Variants in NEBL observed in about 807,000 individuals in gnomAD.
NEBL encodes nebulette, also known as LIM and SH3 protein 2.
A neutral mutation model predicts 140.2 loss-of-function variants in NEBL; 122 were observed. The observed-to-expected ratio is 0.87, with a 90% CI of 0.75 to 1.01. The LOEUF (loss-of-function observed/expected upper bound fraction) is 1.01. NEBL is among the 50% of genes least tolerant of loss of function. The probability of loss-of-function intolerance (pLI) is 0.00; values close to 1 mark genes in which losing one functional copy is unlikely to be tolerated. For synonymous variants in NEBL, 436 were observed against 398.9 expected (o/e 1.09, Z -1.11); for missense variants, 1,365 against 1,231.3 (o/e 1.11, Z -1.62).
chr10:20,808,655 C>A lies in NEBL; in HGVS notation c.2616G>T (p.Lys872Asn), dbSNP rs869025491. ...QSRSLHMLSE[K>N]ASHYRRHWSR... is the part of the protein sequence containing the mutation. Reference sequence around the variant, plus strand: ...ACCAGTGTCGCCTATAGTGACTCGCCTTTTCTATATTGGAGGGAAAATATT... The same window carrying A: ...ACCAGTGTCGCCTATAGTGACTCGCATTTTCTATATTGGAGGGAAAATATT... The change falls in exon 26 of 28, where the codon AAG (lysine) becomes AAT (asparagine). Residue 872 changes from lysine (K) to asparagine (N), a missense_variant. Around this residue, in one of 2 missense-constraint regions of NEBL, gnomAD observed 1,323 missense variants for 1,154.8 expected, o/e 1.15. Coordinates refer to ENST00000377122, the MANE Select transcript of NEBL (RefSeq NM_006393.3). 25 of 1,612,382 alleles carry A rather than the reference C, an allele frequency of 1.6e-5. No individual in the cohort carries two copies. The highest frequency in any genetic ancestry group is 2.0e-5 in the Non-Finnish European group (24 of 1,178,624).
intron 2 of NEBL, among the ~76,000 whole-genome samples, chr10:21,035,321 C>G (rs1833970252): frequency 9.7e-6 from 1 of 103,218 alleles, no homozygotes; most frequent in Admixed American, 1.1e-4. Flanking sequence ...TTCTGATGCT[C>G]TCCTTCCCCC....
At chr10:21,236,770 A>G (rs2132259885) in intron 3 of NEBL, among the ~76,000 whole-genome samples, 1 of 152,320 alleles carries the variant, frequency 6.6e-6, no homozygotes, top group African/African-American at 2.4e-5. Context: ...TTCTAGACTC[A>G]TAAACACTGC....
chr10:21,024,819 C>CA (rs56293124), intron 2 of NEBL, among the ~76,000 whole-genome samples: 4 of 151,716 alleles, frequency 2.6e-5, no homozygotes, highest in Non-Finnish European at 5.9e-5. Flanking sequence ...ACCTCTCCAG[C>CA]AAAAAAAGAA....
At chr10:20,882,075 G>A (rs1475917213) in intron 4 of NEBL, among the ~76,000 whole-genome samples, 1 of 152,160 alleles carries the variant, frequency 6.6e-6, no homozygotes, top group African/African-American at 2.4e-5. Context: ...CTACATGGGA[G>A]GCTGAGGCAG....
chr10:21,276,275 C>T (rs776455743), intron 1 of NEBL, among the ~76,000 whole-genome samples: 6 of 152,108 alleles, frequency 3.9e-5, no homozygotes, highest in South Asian at 2.1e-4. Context: ...CCCAGCCCAA[C>T]TTACCACCTT....
At chr10:21,126,396 A>G (rs1209998879) in intron 2 of NEBL, among the ~76,000 whole-genome samples, 2 of 152,182 alleles carry the variant, frequency 1.3e-5, no homozygotes, top group Non-Finnish European at 2.9e-5. Flanking sequence ...GAGCTCAAAG[A>G]TCAGAGAGAG....
chr10:21,208,745 A>G (rs1474797223), intron 3 of NEBL, among the ~76,000 whole-genome samples: 4 of 152,102 alleles, frequency 2.6e-5, no homozygotes, highest in African/African-American at 7.2e-5. Context: ...AGTCACATAC[A>G]TTCCTTCCAC....
intron 1 of NEBL, among the ~76,000 whole-genome samples, chr10:21,271,717 G>T (rs1174023832): frequency 6.6e-6 from 1 of 150,928 alleles, no homozygotes; most frequent in African/African-American, 2.4e-5. Context: ...GTAGAGACGG[G>T]GTTTCACCAT....
intron 4 of NEBL, among the ~76,000 whole-genome samples, chr10:20,949,891 TAAAAA>T (rs1835376560): frequency 6.6e-6 from 1 of 152,202 alleles, no homozygotes; most frequent in African/African-American, 2.4e-5. Flanking sequence ...TGGACAAACT[TAAAAA>T]TAAGATGTAT....
Position 21,061,306 on chromosome 10 carries a change from T to C in NEBL, c.165-41105A>G, listed in dbSNP as rs540322572. ...GTGATATGTAACATATTACATATTA[T>C]GTGATATGTAATATATTACATATTA... On this transcript the variant is annotated intron_variant, in intron 2 of 6. Coordinates refer to the NEBL transcript ENST00000417816. 4.1e-5 allele frequency among the ~76,000 whole-genome samples: 6 copies of C among 144,816 alleles called. No homozygotes were observed. In the East Asian group the frequency reaches 1.2e-3, roughly 30 times the overall value.
rs546084032 is a variant in NEBL, at chr10:20,923,858, A to G, written c.357+37814T>C. On this transcript the variant is annotated intron_variant, in intron 4 of 6. Transcript: ENST00000417816. ...CCTTGACTTAGAGCTCCTCATATCT[A>G]GGAACCCAGCAGGAATAAAAGGAGG... is the stretch of plus-strand genomic sequence containing the variant. Among the ~76,000 whole-genome samples the G allele has an allele frequency of 9.9e-5, 15 of 151,946 alleles. No homozygotes were observed. The South Asian group carries it at 1.5e-3, about 15-fold the overall frequency.
intron 2 of NEBL, among the ~76,000 whole-genome samples, chr10:21,043,497 A>G (rs1402085100): frequency 6.6e-6 from 1 of 152,188 alleles, no homozygotes; most frequent in Admixed American, 6.5e-5. Context: ...TCAAATTTTA[A>G]TTTTCTCTTT....
chr10:21,234,994 C>A (rs879056227), intron 3 of NEBL, among the ~76,000 whole-genome samples: 1 of 152,120 alleles, frequency 6.6e-6, no homozygotes, highest in Non-Finnish European at 1.5e-5. Flanking sequence ...AGCCAGGAAG[C>A]AATCACAAAA....
At chr10:21,163,123 G>A (rs1441488066) in intron 2 of NEBL, among the ~76,000 whole-genome samples, 2 of 152,218 alleles carry the variant, frequency 1.3e-5, no homozygotes, top group Non-Finnish European at 2.9e-5. Context: ...GCAGCCCAGT[G>A]TGGCTGGAGA....
intron 2 of NEBL, among the ~76,000 whole-genome samples, chr10:21,116,813 G>A (rs1202232479): frequency 1.3e-5 from 2 of 152,002 alleles, no homozygotes; most frequent in African/African-American, 2.4e-5. Flanking sequence ...GGGACTACAG[G>A]TGTGCCGCAC....
At chr10:21,208,967 G>T (rs905892923) in intron 3 of NEBL, among the ~76,000 whole-genome samples, 1 of 152,096 alleles carries the variant, frequency 6.6e-6, no homozygotes, top group East Asian at 1.9e-4. Flanking sequence ...ATGGTGACTC[G>T]GCCAAATAAG....
At chr10:20,982,643 A>T (rs1837096326) in intron 3 of NEBL, among the ~76,000 whole-genome samples, 1 of 152,218 alleles carries the variant, frequency 6.6e-6, no homozygotes, top group Non-Finnish European at 1.5e-5. Context: ...AGAACTGACA[A>T]GCATCTTACT....
At chr10:20,791,690 T>C (rs1437086965) in intron 26 of NEBL, among the ~76,000 whole-genome samples, 1 of 151,960 alleles carries the variant, frequency 6.6e-6, no homozygotes, top group Admixed American at 6.6e-5. Context: ...CACTGCACCA[T>C]GCTAAGAACA....
At chr10:21,052,682 A>C (rs1296639369) in intron 2 of NEBL, among the ~76,000 whole-genome samples, 1 of 152,196 alleles carries the variant, frequency 6.6e-6, no homozygotes, top group Non-Finnish European at 1.5e-5. Context: ...AATCCAGTGA[A>C]ATCACCAACA....
Sources: gnomAD v4.1 joint callset for allele counts (sites outside exome capture counted in the v4.1 genomes callset) on GRCh38, gnomAD v4.1.1 for gene constraint, gnomAD v4.1.1 regional missense constraint, MANE v1.5 for transcripts, NCBI Gene and HGNC (gene_info 2026-07-23, HGNC 2026-07-21) for gene names.